Variants in SRGAP2 observed in about 807,000 individuals in gnomAD.
The protein encoded by SRGAP2 is SLIT-ROBO Rho GTPase-activating protein 2.
Under a neutral mutation model 57.2 loss-of-function variants are expected in SRGAP2, and 15 were observed. That is an observed-to-expected ratio of 0.26 (90% CI 0.18 to 0.40). SRGAP2 has a LOEUF of 0.40. Ranked by LOEUF, SRGAP2 falls within the 10% of genes least tolerant of loss-of-function variation. The probability of loss-of-function intolerance (pLI) is 1.00; values close to 1 mark genes in which losing one functional copy is unlikely to be tolerated. For synonymous variants in SRGAP2, 249 were observed against 248.0 expected (o/e 1.00, Z -0.04); for missense variants, 520 against 669.6 (o/e 0.78, Z 2.47).
chr1:206,243,340 T>C (rs140573195), intron 2 of SRGAP2, among the ~76,000 whole-genome samples: 1,755 of 146,134 alleles, frequency 0.012, 20 homozygotes, highest in Middle Eastern at 0.024. Flanking sequence ...TATAAATATT[T>C]GCATTTACCT....
At chr1:206,418,201 C>T (rs1455843307) in intron 11 of SRGAP2, among the ~76,000 whole-genome samples, 1 of 151,890 alleles carries the variant, frequency 6.6e-6, no homozygotes, top group Non-Finnish European at 1.5e-5. Flanking sequence ...TTGTTCTTGC[C>T]GTAGAGGGAT....
intron 2 of SRGAP2, among the ~76,000 whole-genome samples, chr1:206,208,500 C>T (rs1553301746): frequency 3.9e-5 from 6 of 152,010 alleles, no homozygotes; most frequent in Non-Finnish European, 8.8e-5. Context: ...GACTTCATTC[C>T]TTTATTCATT....
intron 2 of SRGAP2, among the ~76,000 whole-genome samples, chr1:206,240,004 G>A (rs1377211914): frequency 1.3e-5 from 2 of 151,636 alleles, no homozygotes; most frequent in African/African-American, 4.8e-5. Flanking sequence ...GGTGGCTCAC[G>A]CCTGTAATCC....
At chr1:206,257,735 TATATATATAC>T (rs1159499188) in intron 2 of SRGAP2, among the ~76,000 whole-genome samples, 10 of 85,906 alleles carry the variant, frequency 1.2e-4, no homozygotes, top group African/African-American at 1.3e-4. Flanking sequence ...GAAAGCAGAC[TATATATATAC>T]ATATATATAT....
chr1:206,341,920 C>T (rs2987909), intron 3 of SRGAP2, among the ~76,000 whole-genome samples: 5 of 152,076 alleles, frequency 3.3e-5, no homozygotes, highest in East Asian at 1.9e-4. Context: ...ATCTCTTGAA[C>T]GCGGGAGGCG....
chr1:206,275,043 TC>T (rs1490064199), intron 2 of SRGAP2, among the ~76,000 whole-genome samples: 1 of 103,980 alleles, frequency 9.6e-6, no homozygotes, highest in African/African-American at 3.9e-5. Flanking sequence ...TTTTTGTCTT[TC>T]CCCGCAGGGC....
At chr1:206,296,230 G>C (rs1275075118) in intron 2 of SRGAP2, among the ~76,000 whole-genome samples, 1 of 152,064 alleles carries the variant, frequency 6.6e-6, no homozygotes, top group Non-Finnish European at 1.5e-5. Flanking sequence ...GGTAGTGGCA[G>C]TGTCACACTC....
At position 206,229,931 on chromosome 1, in the gene SRGAP2, T is replaced by TACACACACACACACACAC. The variant is rs66901207; in HGVS notation, c.67+23913_67+23930dup. Reference sequence around the variant, plus strand: ...AGAGAGATATATATGTACACATACATACACACACACACACACACACACACA... The same window carrying TACACACACACACACACAC: ...AGAGAGATATATATGTACACATACATACACACACACACACACACACACACACACACACACACACACACA... On this transcript the variant is annotated intron_variant, in intron 2 of 22. Transcript: ENST00000573034. Among the ~76,000 whole-genome samples, 10 of 141,764 alleles carry TACACACACACACACACAC rather than the reference T, an allele frequency of 7.1e-5. 1 individual carries two copies. The highest frequency in any genetic ancestry group is 2.1e-4 in the African/African-American group (8 of 37,882). 93.0% of individuals were successfully genotyped at this position (141,764 alleles called of 152,430 possible). A position where few individuals can be genotyped will look rare whatever the true frequency, so the allele number is the denominator to read the frequency against.
intron 12 of SRGAP2, among the ~76,000 whole-genome samples, chr1:206,419,978 C>T (rs1572106436): frequency 6.6e-6 from 1 of 152,208 alleles, no homozygotes; most frequent in East Asian, 1.9e-4. Flanking sequence ...TCCCCTTCCT[C>T]CTCCACCCCA....
intron 14 of SRGAP2, 76 bp downstream of exon 14, chr1:206,430,298 A>G: frequency 1.3e-6 from 1 of 762,856 alleles, no homozygotes; most frequent in Non-Finnish European, 2.5e-6. Flanking sequence ...GTAGAGTAAG[A>G]ATAGAGATTG....
intron 4 of SRGAP2, among the ~76,000 whole-genome samples, chr1:206,350,889 A>C (rs1204840438): frequency 1.3e-5 from 2 of 151,894 alleles, no homozygotes; most frequent in African/African-American, 4.8e-5. Context: ...GGCTCAGTTA[A>C]TACTTTTCTC....
intron 12 of SRGAP2, 21 bp downstream of exon 12, chr1:206,419,421 G>A: frequency 1.3e-6 from 1 of 780,750 alleles, no homozygotes; most frequent in Non-Finnish European, 2.4e-6. Flanking sequence ...CCTGGGACAG[G>A]CCTGGGAAGT....
At chr1:206,321,836 C>T (rs1261544235) in intron 3 of SRGAP2, among the ~76,000 whole-genome samples, 1 of 152,216 alleles carries the variant, frequency 6.6e-6, no homozygotes, top group Non-Finnish European at 1.5e-5. Context: ...TATGGCACAA[C>T]AAGATGTTCC....
At chr1:206,430,449 G>A (rs570741674) in intron 14 of SRGAP2, among the ~76,000 whole-genome samples, 86 of 152,282 alleles carry the variant, frequency 5.6e-4, no homozygotes, top group African/African-American at 1.9e-3. Flanking sequence ...CACTTATCAC[G>A]CAGCATTTTT....
rs1166916482 is a variant in SRGAP2, at chr1:206,359,798, C to CTTTTTT, written c.423+16811_423+16816dup. ...AGGATGGGGTACAAGGGATATTGCT[C>CTTTTTT]TTTTTTTTTTTTTTTTTTTTTTTTT... is the stretch of plus-strand genomic sequence containing the variant. On this transcript the variant is annotated intron_variant, in intron 4 of 22. Transcript: ENST00000573034. Among the ~76,000 whole-genome samples the CTTTTTT allele has an allele frequency of 1.5e-3, 103 of 70,226 alleles. 16 individuals are homozygous for CTTTTTT. The highest frequency in any genetic ancestry group is 5.2e-3 in the African/African-American group (88 of 16,908). 46.1% of individuals were successfully genotyped at this position (70,226 alleles called of 152,430 possible).
At chr1:206,417,103 CTTTTTT>C (rs546280000) in intron 11 of SRGAP2, among the ~76,000 whole-genome samples, 1 of 133,778 alleles carries the variant, frequency 7.5e-6, no homozygotes, top group African/African-American at 2.9e-5. Context: ...CTAATGACTT[CTTTTTT>C]TTTTTTTTTT....
intron 5 of SRGAP2, among the ~76,000 whole-genome samples, chr1:206,385,013 T>C (rs1248290417): frequency 6.7e-6 from 1 of 149,194 alleles, no homozygotes; most frequent in Non-Finnish European, 1.5e-5. Context: ...CCTTTGTTTT[T>C]TTTTTTAATT....
Position 206,309,167 on chromosome 1 carries a change from T to TA in SRGAP2, c.260+5712dup, listed in dbSNP as rs1334138473. ...GGTGACAGAGTGAGACCCTGTGTCT[T>TA]AAAAAAAAAAAAAAAAAATCCCTGG... On this transcript the variant is annotated intron_variant, in intron 3 of 22. Coordinates refer to ENST00000573034, the MANE Select transcript of SRGAP2 (RefSeq NM_015326.5). 6.7e-3 allele frequency among the ~76,000 whole-genome samples: 883 copies of TA among 131,680 alleles called. 6 individuals carry two copies. Among genetic ancestry groups the TA allele is most frequent in the South Asian group, 0.011 (46 of 4,044 alleles). The allele number at this position is 131,680 out of a possible 152,430, so 86.4% of individuals were successfully genotyped here.
At chr1:206,436,217 C>G (rs1661738737) in intron 14 of SRGAP2, among the ~76,000 whole-genome samples, 1 of 152,124 alleles carries the variant, frequency 6.6e-6, no homozygotes, top group Non-Finnish European at 1.5e-5. Context: ...TTCATGTTCT[C>G]TCTTTTTCAT....
Sources: allele counts gnomAD v4.1 joint callset (sites outside exome capture counted in the v4.1 genomes callset), GRCh38; gene constraint gnomAD v4.1.1; transcripts MANE v1.5; gene names NCBI Gene and HGNC (gene_info 2026-07-23, HGNC 2026-07-21).